FRMD3: variants seen among roughly 807,000 people sequenced by gnomAD.
The protein encoded by FRMD3 is FERM domain containing 3.
FRMD3 carries 33 observed loss-of-function variants against 70.2 expected under a neutral mutation model. That is an observed-to-expected ratio of 0.47 (90% CI 0.36 to 0.63). FRMD3 has a LOEUF of 0.63. Among genes scored for constraint, FRMD3 ranks in the 20% least tolerant of loss-of-function variants. FRMD3 has a pLI of 0.00. For missense variants in FRMD3, 632 were observed against 711.4 expected (o/e 0.89, Z 1.27); for synonymous variants, 279 against 255.9 (o/e 1.09, Z -0.86).
At chr9:83,515,286 G>A (rs139523008) in intron 1 of FRMD3, among the ~76,000 whole-genome samples, 2 of 152,256 alleles carry the variant, frequency 1.3e-5, no homozygotes, top group African/African-American at 4.8e-5. Context: ...ATGACCTGAT[G>A]GAGCTGAAAA....
intron 5 of FRMD3, among the ~76,000 whole-genome samples, chr9:83,342,285 T>C (rs375038828): frequency 5.8e-4 from 88 of 152,064 alleles, no homozygotes; most frequent in African/African-American, 2.0e-3. Context: ...CCTTACTAGG[T>C]GGAAACATTC....
At chr9:83,375,803 A>G (rs1281711233) in intron 2 of FRMD3, among the ~76,000 whole-genome samples, 1 of 152,182 alleles carries the variant, frequency 6.6e-6, no homozygotes, top group Non-Finnish European at 1.5e-5. Flanking sequence ...AATAATCTGT[A>G]CAACAAACCC....
intron 1 of FRMD3, among the ~76,000 whole-genome samples, chr9:83,505,981 C>A (rs1829172900): frequency 6.6e-6 from 1 of 152,144 alleles, no homozygotes; most frequent in Non-Finnish European, 1.5e-5. Flanking sequence ...TGGAGTCCCC[C>A]AACAAGAACT....
chr9:83,437,096 ACG>A (rs1192497126), intron 1 of FRMD3, among the ~76,000 whole-genome samples: 1 of 152,222 alleles, frequency 6.6e-6, no homozygotes, highest in Non-Finnish European at 1.5e-5. Context: ...CCAAGGTGAC[ACG>A]GAGTCTTGTC....
chr9:83,461,479 G>A (rs1488594481), intron 1 of FRMD3, among the ~76,000 whole-genome samples: 1 of 151,964 alleles, frequency 6.6e-6, no homozygotes, highest in Non-Finnish European at 1.5e-5. Flanking sequence ...TGCCAGTCTT[G>A]AGGGAACACA....
At chr9:83,535,521 C>A (rs201188117) in intron 1 of FRMD3, among the ~76,000 whole-genome samples, 2 of 152,184 alleles carry the variant, frequency 1.3e-5, no homozygotes, top group African/African-American at 4.8e-5. Context: ...TACAGAGCCT[C>A]TAGATCAAGC....
chr9:83,389,766 C>T (rs1825614457), intron 1 of FRMD3, 58 bp from the exon 2 acceptor site: 1 of 1,220,274 alleles, frequency 8.2e-7, no homozygotes, highest in Admixed American at 1.7e-5. Flanking sequence ...TTCACGTCCT[C>T]AGGGAGCCTT....
At chr9:83,429,421 G>A (rs934618024) in intron 1 of FRMD3, among the ~76,000 whole-genome samples, 11 of 151,984 alleles carry the variant, frequency 7.2e-5, no homozygotes, top group Non-Finnish European at 4.4e-5. Context: ...CTCTCCCTTT[G>A]ATCTTTTTCC....
intron 1 of FRMD3, chr9:83,467,522 A>G (rs2131452141): frequency 1.2e-6 from 1 of 848,542 alleles, no homozygotes; most frequent in Admixed American, 2.1e-5. Flanking sequence ...TGTTTCAGTG[A>G]AAATAATTCA....
intron 3 of FRMD3, among the ~76,000 whole-genome samples, chr9:83,357,256 T>TA (rs1279597156): frequency 2.3e-5 from 1 of 43,334 alleles, no homozygotes; most frequent in East Asian, 8.5e-4. Flanking sequence ...CATATATATA[T>TA]ATATATATAT....
intron 1 of FRMD3, among the ~76,000 whole-genome samples, chr9:83,499,803 G>A (rs1474917641): frequency 1.3e-5 from 2 of 152,174 alleles, no homozygotes; most frequent in Non-Finnish European, 2.9e-5. Flanking sequence ...ACACATGAAT[G>A]TTTATAGAAG....
intron 13 of FRMD3, among the ~76,000 whole-genome samples, chr9:83,275,673 T>A (rs558823639): frequency 5.9e-5 from 9 of 152,296 alleles, no homozygotes; most frequent in Non-Finnish European, 1.0e-4. Context: ...GTCCATCTCC[T>A]CTCTGATTTA....
At chr9:83,441,107 C>T (rs548353429) in intron 1 of FRMD3, among the ~76,000 whole-genome samples, 1 of 152,320 alleles carries the variant, frequency 6.6e-6, no homozygotes, top group East Asian at 1.9e-4. Flanking sequence ...AATGCCCCAA[C>T]AGACCCTCAT....
rs981558426 is a variant in FRMD3, at chr9:83,290,848, A to T, written c.1071-121T>A. 4 of 1,009,872 alleles carry T rather than the reference A, an allele frequency of 4.0e-6. No individual in the cohort carries two copies. In the African/African-American group the frequency reaches 6.4e-5, roughly 16 times the overall value. 62.6% of individuals were successfully genotyped at this position (1,009,872 alleles called of 1,614,324 possible). ...AGGGAACTACCTCCAGACACAGTGA[A>T]TTGAGCCAGTAGTAAAGATGACGTA... On this transcript the variant is annotated intron_variant, in intron 12 of 13. Coordinates refer to ENST00000304195, the MANE Select transcript of FRMD3 (RefSeq NM_174938.6).
chr9:83,297,334 C>T (rs1027978284), intron 12 of FRMD3, among the ~76,000 whole-genome samples: 2 of 152,134 alleles, frequency 1.3e-5, no homozygotes, highest in African/African-American at 4.8e-5. Context: ...TAAGAAAATG[C>T]CAGGTGCTCT....
At chr9:83,351,041 A>G in intron 3 of FRMD3, 1 of 932,698 alleles carries the variant, frequency 1.1e-6, no homozygotes, top group Non-Finnish European at 1.3e-6. Flanking sequence ...ATCAGTTCTC[A>G]GTCTACATCC....
intron 1 of FRMD3, among the ~76,000 whole-genome samples, chr9:83,428,204 C>A (rs1259064404): frequency 6.6e-6 from 1 of 151,948 alleles, no homozygotes; most frequent in African/African-American, 2.4e-5. Context: ...TAGTGAAACC[C>A]CATCTGTACT....
intron 1 of FRMD3, among the ~76,000 whole-genome samples, chr9:83,425,705 A>T (rs1466258208): frequency 6.6e-6 from 1 of 150,564 alleles, no homozygotes; most frequent in Admixed American, 6.6e-5. Flanking sequence ...CAGGAGTTCG[A>T]GACCAGCCTG....
chr9:83,521,962 C>T (rs1191400435), intron 1 of FRMD3, among the ~76,000 whole-genome samples: 1 of 152,150 alleles, frequency 6.6e-6, no homozygotes, highest in Non-Finnish European at 1.5e-5. Flanking sequence ...AGAAAATCTT[C>T]TTGGCCCTTC....
Sources: allele counts gnomAD v4.1 joint callset (sites outside exome capture counted in the v4.1 genomes callset), GRCh38; gene constraint gnomAD v4.1.1; transcripts MANE v1.5; gene names NCBI Gene and HGNC (gene_info 2026-07-23, HGNC 2026-07-21).